Variants in GSK3B observed in about 807,000 individuals in gnomAD.
GSK3B encodes the protein glycogen synthase kinase-3 beta.
Under a neutral mutation model 56.4 loss-of-function variants are expected in GSK3B, and 15 were observed. The ratio of observed to expected loss-of-function variants is 0.27; its 90% CI spans 0.18 to 0.41. The LOEUF is 0.41. Ranked by LOEUF, GSK3B falls within the 10% of genes least tolerant of loss-of-function variation. The pLI is 1.00. For missense variants in GSK3B, 300 were observed against 513.4 expected, an observed-to-expected ratio of 0.58 and a Z score of 4.02; for synonymous variants, 181 against 188.9, an observed-to-expected ratio of 0.96 and a Z score of 0.34.
chr3:119,957,675 T>C (rs1341504746), intron 2 of GSK3B, among the ~76,000 whole-genome samples: 1 of 152,188 alleles, frequency 6.6e-6, no homozygotes, highest in East Asian at 1.9e-4. Context: ...TCTTCACAAC[T>C]TCAATCCTCT....
intron 1 of GSK3B, among the ~76,000 whole-genome samples, chr3:120,037,429 G>C (rs1277722828): frequency 2.0e-5 from 3 of 152,114 alleles, no homozygotes; most frequent in African/African-American, 7.2e-5. Flanking sequence ...CTGAAAAACT[G>C]AAGACACATT....
At chr3:119,859,274 T>C (rs1017982814) in intron 9 of GSK3B, among the ~76,000 whole-genome samples, 1 of 152,066 alleles carries the variant, frequency 6.6e-6, no homozygotes, top group South Asian at 2.1e-4. Context: ...TCTCAGGTAG[T>C]TGTAATACTA....
chr3:119,903,805 T>C (rs1014545076), intron 7 of GSK3B, among the ~76,000 whole-genome samples: 8 of 151,984 alleles, frequency 5.3e-5, no homozygotes, highest in African/African-American at 1.2e-4. Context: ...ATATGACAAA[T>C]AGAATAGCTA....
intron 6 of GSK3B, 117 bp downstream of exon 6, chr3:119,912,587 A>G: frequency 2.1e-6 from 1 of 467,468 alleles, no homozygotes; most frequent in Non-Finnish European, 3.9e-6. Flanking sequence ...AAGAAAAAAA[A>G]CATTATGGGA....
Position 119,843,213 on chromosome 3 carries a change from C to A in GSK3B, c.1195+42G>T, listed in dbSNP as rs142417465. On this transcript the variant is annotated intron_variant, in intron 10 of 10. Coordinates refer to ENST00000264235, the MANE Select transcript of GSK3B (RefSeq NM_001146156.2). ...TACAGGTGTGAGCCATCATGCCCAGCCCAGAATATGTTTTTATAGAAGAGA... is the reference window on the plus strand; with the variant it reads ...TACAGGTGTGAGCCATCATGCCCAGACCAGAATATGTTTTTATAGAAGAGA... 6.6e-5 allele frequency: 87 copies of A among 1,315,218 alleles called. 1 individual carries two copies. In the East Asian group the frequency reaches 1.3e-3, roughly 20 times the overall value. The allele number at this position is 1,315,218 out of a possible 1,614,324, so 81.5% of individuals were successfully genotyped here. A position where few individuals can be genotyped will look rare whatever the true frequency, so the allele number is the denominator to read the frequency against.
At chr3:120,081,479 G>A (rs1559905587) in intron 1 of GSK3B, among the ~76,000 whole-genome samples, 1 of 152,034 alleles carries the variant, frequency 6.6e-6, no homozygotes, top group African/African-American at 2.4e-5. Context: ...CCCAGGAGGT[G>A]GAGGTTGCAG....
chr3:120,048,736 G>T (rs1304514019), intron 1 of GSK3B, among the ~76,000 whole-genome samples: 1 of 152,204 alleles, frequency 6.6e-6, no homozygotes, highest in Non-Finnish European at 1.5e-5. Flanking sequence ...ATCCAGTTAA[G>T]AAAAGGTATG....
chr3:119,989,926 C>T (rs1056276158), intron 2 of GSK3B, among the ~76,000 whole-genome samples: 5 of 152,118 alleles, frequency 3.3e-5, no homozygotes, highest in Admixed American at 6.5e-5. Flanking sequence ...CCCTAGTCAG[C>T]AGGAAGTAGC....
rs1357831465 is a variant in GSK3B at position 119,825,469 on chromosome 3, C to T, written c.*1319G>A. Reference sequence around the variant, plus strand: ...ATGCTTCAACCAGTCAATTTTGATACTGTAGACAAAAAAAAAGGCAGTATT... The same window carrying T: ...ATGCTTCAACCAGTCAATTTTGATATTGTAGACAAAAAAAAAGGCAGTATT... On this transcript the variant is annotated 3_prime_UTR_variant, in exon 11 of 11. Coordinates refer to ENST00000264235, the MANE Select transcript of GSK3B (RefSeq NM_001146156.2). The T allele has an allele frequency of 8.8e-6, 2 of 227,804 alleles. No homozygotes were observed. The highest frequency in any genetic ancestry group is 1.7e-5 in the Non-Finnish European group (2 of 115,160). 14.1% of individuals were successfully genotyped at this position (227,804 alleles called of 1,614,324 possible).
chr3:120,060,380 T>C (rs2107551736), intron 1 of GSK3B, among the ~76,000 whole-genome samples: 1 of 152,198 alleles, frequency 6.6e-6, no homozygotes, highest in Non-Finnish European at 1.5e-5. Flanking sequence ...ACCAGATACA[T>C]TAGCAGCAAT....
chr3:119,883,726 A>G (rs1007392981), intron 7 of GSK3B, among the ~76,000 whole-genome samples: 15 of 152,196 alleles, frequency 9.9e-5, no homozygotes, highest in African/African-American at 2.9e-4. Context: ...TTCAGAGGTC[A>G]TAACTAGAAA....
chr3:120,084,242 GT>G (rs1182293585), intron 1 of GSK3B, among the ~76,000 whole-genome samples: 1 of 152,072 alleles, frequency 6.6e-6, no homozygotes, highest in Non-Finnish European at 1.5e-5. Context: ...ATAAATAATA[GT>G]TTTTAAATAG....
At chr3:119,880,882 C>A (rs563834074) in intron 7 of GSK3B, among the ~76,000 whole-genome samples, 1 of 152,178 alleles carries the variant, frequency 6.6e-6, no homozygotes, top group Non-Finnish European at 1.5e-5. Flanking sequence ...CTATTGGATT[C>A]TTTTGAGAGC....
chr3:119,834,039 C>A (rs867849765), intron 10 of GSK3B, among the ~76,000 whole-genome samples: 10 of 152,084 alleles, frequency 6.6e-5, no homozygotes, highest in South Asian at 2.1e-4. Flanking sequence ...TACGCTCTTG[C>A]CCAATAACAA....
intron 7 of GSK3B, among the ~76,000 whole-genome samples, chr3:119,887,653 A>G (rs545283235): frequency 6.6e-6 from 1 of 152,216 alleles, no homozygotes; most frequent in South Asian, 2.1e-4. Flanking sequence ...GGTGGGAAGT[A>G]TGGGGTGGGA....
chr3:119,850,845 T>A (rs1370120253), intron 9 of GSK3B, among the ~76,000 whole-genome samples: 1 of 152,072 alleles, frequency 6.6e-6, no homozygotes, highest in East Asian at 1.9e-4. Context: ...ATATGTGTGC[T>A]AAGCTTGAGA....
intron 1 of GSK3B, among the ~76,000 whole-genome samples, chr3:120,086,895 CTAAG>C (rs2058468036): frequency 1.3e-5 from 2 of 152,168 alleles, no homozygotes; most frequent in African/African-American, 2.4e-5. Flanking sequence ...CCTACATACA[CTAAG>C]TAATCCCAAT....
At chr3:119,907,900 C>A (rs1375964241) in intron 6 of GSK3B, among the ~76,000 whole-genome samples, 1 of 152,164 alleles carries the variant, frequency 6.6e-6, no homozygotes, top group East Asian at 1.9e-4. Flanking sequence ...AAGGGTCTGT[C>A]TGTAAGTTCA....
chr3:119,958,705 G>A (rs1316365748), intron 2 of GSK3B, among the ~76,000 whole-genome samples: 1 of 151,950 alleles, frequency 6.6e-6, no homozygotes, highest in Non-Finnish European at 1.5e-5. Flanking sequence ...AAAAAAAAAG[G>A]ATGGAGAATT....
Sources: gnomAD v4.1 joint callset for allele counts (sites outside exome capture counted in the v4.1 genomes callset) on GRCh38, gnomAD v4.1.1 for gene constraint, MANE v1.5 for transcripts, NCBI Gene and HGNC (gene_info 2026-07-23, HGNC 2026-07-21) for gene names.